PSD3: variants seen among roughly 807,000 people sequenced by gnomAD.
PSD3 encodes the protein pleckstrin and Sec7 domain containing 3.
Under a neutral mutation model 105.5 loss-of-function variants are expected in PSD3, and 49 were observed. The observed-to-expected ratio is 0.46, with a 90% CI of 0.37 to 0.59. PSD3 has a LOEUF of 0.59. PSD3 is among the 20% of genes least tolerant of loss of function. The pLI, the probability that PSD3 is intolerant of heterozygous loss-of-function variation, is 0.00. For synonymous variants in PSD3, 557 were observed against 457.8 expected, an observed-to-expected ratio of 1.22 and a Z score of -2.77; for missense variants, 1,561 against 1,263.8, an observed-to-expected ratio of 1.24 and a Z score of -3.57.
chr8:18,632,916 T>TGGA (rs2130769686), intron 10 of PSD3, 110 bp from the exon 11 acceptor site: 1 of 805,510 alleles, frequency 1.2e-6, no homozygotes, highest in East Asian at 2.7e-5. Flanking sequence ...TATCACTTTT[T>TGGA]ATAACCACCA....
intron 4 of PSD3, among the ~76,000 whole-genome samples, chr8:18,844,012 C>A (rs1217965735): frequency 6.6e-6 from 1 of 151,556 alleles, no homozygotes; most frequent in Admixed American, 6.6e-5. Flanking sequence ...ACAAGGTTAA[C>A]CCTACACAAG....
chr8:19,045,203 C>A (rs1430593127), intron 1 of PSD3, among the ~76,000 whole-genome samples: 2 of 151,362 alleles, frequency 1.3e-5, no homozygotes, highest in Non-Finnish European at 2.9e-5. Context: ...AAACAAAAAC[C>A]CAGAAAGAAA....
chr8:19,083,147 C>T (rs1249069051), intron 1 of PSD3, among the ~76,000 whole-genome samples: 3 of 152,192 alleles, frequency 2.0e-5, no homozygotes, highest in African/African-American at 7.2e-5. Flanking sequence ...CAATGACTCC[C>T]TCTTCCTTCC....
intron 12 of PSD3, among the ~76,000 whole-genome samples, chr8:18,579,538 A>G (rs1403863779): frequency 1.3e-5 from 2 of 152,214 alleles, no homozygotes; most frequent in Non-Finnish European, 2.9e-5. Flanking sequence ...GCACTCCACC[A>G]TCCCAATAAA....
chr8:18,762,971 A>G (rs1806664289), intron 9 of PSD3: 1 of 1,264,256 alleles, frequency 7.9e-7, no homozygotes, highest in East Asian at 5.6e-5. Context: ...GTAGTCTGTG[A>G]TCTCTGAGGA....
At chr8:18,646,532 G>A (rs11987359) in intron 10 of PSD3, among the ~76,000 whole-genome samples, 9,860 of 152,006 alleles carry the variant, frequency 0.065, 390 homozygotes, top group African/African-American at 0.11. Flanking sequence ...ACACACAAGG[G>A]ATTCCAACTT....
chr8:18,998,558 G>A (rs1384455852), intron 1 of PSD3, among the ~76,000 whole-genome samples: 1 of 151,984 alleles, frequency 6.6e-6, no homozygotes. Flanking sequence ...GTGGTGGCAT[G>A]CACCTGTAGT....
chr8:18,760,475 TGTAA>T (rs1224237786), intron 9 of PSD3, among the ~76,000 whole-genome samples: 2 of 152,026 alleles, frequency 1.3e-5, no homozygotes, highest in Non-Finnish European at 2.9e-5. Context: ...TAGATTCCAC[TGTAA>T]GTGAGATCAT....
At chr8:18,969,055 T>C (rs550079691) in intron 1 of PSD3, among the ~76,000 whole-genome samples, 1 of 152,138 alleles carries the variant, frequency 6.6e-6, no homozygotes, top group Non-Finnish European at 1.5e-5. Flanking sequence ...CCTTCCAAAG[T>C]GTCTACTATG....
chr8:18,962,549 C>T lies in PSD3; in HGVS notation c.22-26407G>A, dbSNP rs201472050. On this transcript the variant is annotated intron_variant, in intron 1 of 15. Coordinates refer to ENST00000327040, the MANE Select transcript of PSD3 (RefSeq NM_015310.4). ...TGCTAATGCAGCTCCAGTGAAATGC[C>T]TTTTTTTACAAAGTAAAAAGATCAG... Among the ~76,000 whole-genome samples, 3 of 152,042 alleles carry T rather than the reference C, an allele frequency of 2.0e-5. No individual in the cohort carries two copies. The East Asian group carries it at 5.8e-4, about 29-fold the overall frequency.
chr8:18,919,958 A>C (rs1173249844), intron 2 of PSD3, among the ~76,000 whole-genome samples: 2 of 151,222 alleles, frequency 1.3e-5, no homozygotes, highest in Non-Finnish European at 2.9e-5. Context: ...TGTGTAACTA[A>C]CCTGCACAAT....
chr8:18,656,081 G>A (rs868474769), intron 9 of PSD3, among the ~76,000 whole-genome samples: 4 of 151,828 alleles, frequency 2.6e-5, no homozygotes, highest in African/African-American at 4.8e-5. Flanking sequence ...TTTTTCAGAC[G>A]GAGTCTCACT....
chr8:18,615,052 G>T (rs967556916), intron 11 of PSD3, among the ~76,000 whole-genome samples: 1 of 152,160 alleles, frequency 6.6e-6, no homozygotes, highest in African/African-American at 2.4e-5. Context: ...TGTTAGATAT[G>T]AATTCTAAAT....
Position 18,949,221 on chromosome 8 carries a change from C to CAAAA in PSD3, c.22-13083_22-13080dup, listed in dbSNP as rs1213755572. 1.7e-3 allele frequency among the ~76,000 whole-genome samples: 20 copies of CAAAA among 11,894 alleles called. 1 individual carries two copies. Among genetic ancestry groups the CAAAA allele is most frequent in the South Asian group, 9.4e-3 (1 of 106 alleles). The allele number at this position is 11,894 out of a possible 152,430, so 7.8% of individuals were successfully genotyped here. A position where few individuals can be genotyped will look rare whatever the true frequency, so the allele number is the denominator to read the frequency against. On this transcript the variant is annotated intron_variant, in intron 1 of 15. Coordinates refer to ENST00000327040, the MANE Select transcript of PSD3 (RefSeq NM_015310.4). ...TGGGCTACAGATCGAGACTCTGTCT[C>CAAAA]AAAAAAAAAAAAAAAAAAAAAAAAT...
intron 10 of PSD3, among the ~76,000 whole-genome samples, chr8:18,637,301 G>C (rs1807326968): frequency 6.6e-6 from 1 of 152,064 alleles, no homozygotes; most frequent in Non-Finnish European, 1.5e-5. Flanking sequence ...ATTCTACTTT[G>C]TGTTTATCAT....
At chr8:18,544,174 A>AAC (rs1800316510) in intron 15 of PSD3, among the ~76,000 whole-genome samples, 1 of 22,750 alleles carries the variant, frequency 4.4e-5, no homozygotes, top group African/African-American at 9.0e-5. Flanking sequence ...AACAAACCAA[A>AAC]AAAAAAAAAA....
chr8:18,624,752 T>G (rs970383890), intron 11 of PSD3, among the ~76,000 whole-genome samples: 15 of 151,890 alleles, frequency 9.9e-5, no homozygotes, highest in Non-Finnish European at 2.2e-4. Flanking sequence ...CCATGGATCC[T>G]AATCCTTTAT....
intron 1 of PSD3, among the ~76,000 whole-genome samples, chr8:18,961,015 G>C (rs1426816022): frequency 6.6e-6 from 1 of 152,052 alleles, no homozygotes; most frequent in Non-Finnish European, 1.5e-5. Context: ...TGAACCCAGG[G>C]AGGTCGATGC....
At chr8:18,855,469 T>C (rs1815933767) in intron 4 of PSD3, among the ~76,000 whole-genome samples, 1 of 152,140 alleles carries the variant, frequency 6.6e-6, no homozygotes, top group Non-Finnish European at 1.5e-5. Flanking sequence ...ATGAATACTA[T>C]ACAGCAATTA....
Sources: gnomAD v4.1 joint callset for allele counts (sites outside exome capture counted in the v4.1 genomes callset) on GRCh38, gnomAD v4.1.1 for gene constraint, MANE v1.5 for transcripts, NCBI Gene and HGNC (gene_info 2026-07-23, HGNC 2026-07-21) for gene names.